The following DNAJC11 variants were observed in gnomAD, a reference collection of about 807,000 sequenced individuals.
DNAJC11 encodes the protein DnaJ heat shock protein family (Hsp40) member C11, also known as dnaJ homolog subfamily C member 11.
A neutral mutation model predicts 78.6 loss-of-function variants in DNAJC11; 15 were observed. The ratio of observed to expected loss-of-function variants is 0.19; its 90% CI spans 0.13 to 0.29. The LOEUF (loss-of-function observed/expected upper bound fraction) is 0.29. Ranked by LOEUF, DNAJC11 falls within the 10% of genes least tolerant of loss-of-function variation. The pLI, the probability that DNAJC11 is intolerant of heterozygous loss-of-function variation, is 1.00. For synonymous variants in DNAJC11, 292 were observed against 272.1 expected (o/e 1.07, Z -0.72); for missense variants, 547 against 709.6 (o/e 0.77, Z 2.60).
chr1:6,697,490 T>C (rs1045204429), intron 1 of DNAJC11, among the ~76,000 whole-genome samples: 2 of 152,164 alleles, frequency 1.3e-5, no homozygotes, highest in Non-Finnish European at 2.9e-5. Flanking sequence ...CCCAATAGGG[T>C]TCATGCTCCT....
At chr1:6,660,476 T>C (rs1300090868) in intron 4 of DNAJC11, among the ~76,000 whole-genome samples, 1 of 150,400 alleles carries the variant, frequency 6.6e-6, no homozygotes, top group Non-Finnish European at 1.5e-5. Flanking sequence ...ATTTATATAT[T>C]GCATTTACTG....
At chr1:6,697,191 C>T (rs1012394217) in intron 1 of DNAJC11, among the ~76,000 whole-genome samples, 7 of 152,110 alleles carry the variant, frequency 4.6e-5, no homozygotes, top group African/African-American at 1.4e-4. Context: ...GAGGCAGGCA[C>T]GACAGATGAT....
At chr1:6,699,432 G>A (rs1431744720) in intron 1 of DNAJC11, among the ~76,000 whole-genome samples, 1 of 152,152 alleles carries the variant, frequency 6.6e-6, no homozygotes, top group African/African-American at 2.4e-5. Context: ...TATTACTCTA[G>A]ACCTGCTTGA....
intron 4 of DNAJC11, among the ~76,000 whole-genome samples, chr1:6,659,691 G>A (rs865973795): frequency 1.2e-4 from 18 of 152,090 alleles, no homozygotes; most frequent in South Asian, 2.1e-4. Flanking sequence ...AATCCAGGAG[G>A]TGGAGGTTAC....
At position 6,662,263 on chromosome 1, in the gene DNAJC11, G is replaced by A. The variant is rs189618706; in HGVS notation, c.378+5446C>T. The stretch of plus-strand genomic sequence containing the variant: ...GGCTGGAGTGCAGTGGCGCGATCTC[G>A]GCTCACTGCAACCCCCGCCTCCCAG... On this transcript the variant is annotated intron_variant, in intron 4 of 15. Transcript: ENST00000377577. 8.6e-5 allele frequency among the ~76,000 whole-genome samples: 13 copies of A among 151,620 alleles called. No individual in the cohort carries two copies. The East Asian group carries it at 1.9e-3, about 23-fold the overall frequency.
chr1:6,692,359 C>T (rs1642759684), intron 1 of DNAJC11, among the ~76,000 whole-genome samples: 1 of 151,778 alleles, frequency 6.6e-6, no homozygotes, highest in African/African-American at 2.4e-5. Flanking sequence ...TCCCGGGCAC[C>T]CTCTTGGGCC....
At chr1:6,668,066 ATTCT>A (rs1421283916) in intron 3 of DNAJC11, 2 of 412,778 alleles carry the variant, frequency 4.8e-6, no homozygotes, top group Non-Finnish European at 8.6e-6. Context: ...TGACTTAAAC[ATTCT>A]TTATTTTAGC....
Position 6,641,665 on chromosome 1 carries a change from C to T in DNAJC11, c.1098-1608G>A, listed in dbSNP as rs143714608. On this transcript the variant is annotated intron_variant, in intron 10 of 15. Coordinates refer to ENST00000377577, the MANE Select transcript of DNAJC11 (RefSeq NM_018198.4). Reference sequence around the variant, plus strand: ...TCCTGTCTTGGCCTCCCAAAGTGTGCGCGCCACTGTACTGAGCCTTCAAAT... The same window carrying T: ...TCCTGTCTTGGCCTCCCAAAGTGTGTGCGCCACTGTACTGAGCCTTCAAAT... Among the ~76,000 whole-genome samples the T allele has an allele frequency of 2.8e-3, 429 of 151,850 alleles. 3 individuals are homozygous for T. Among genetic ancestry groups the T allele is most frequent in the African/African-American group, 9.9e-3 (409 of 41,396 alleles).
At chr1:6,698,539 C>G (rs1410045189) in intron 1 of DNAJC11, among the ~76,000 whole-genome samples, 1 of 151,624 alleles carries the variant, frequency 6.6e-6, no homozygotes, top group Non-Finnish European at 1.5e-5. Flanking sequence ...CAGAAAGTGA[C>G]TTCTGCAAGG....
At chr1:6,687,357 T>C (rs1642671611) in intron 1 of DNAJC11, among the ~76,000 whole-genome samples, 1 of 146,240 alleles carries the variant, frequency 6.8e-6, no homozygotes, top group Admixed American at 6.7e-5. Context: ...ACAGTCCCTT[T>C]TTTTTTTTTT....
Position 6,653,327 on chromosome 1 carries a change from A to G in DNAJC11, c.508-376T>C, listed in dbSNP as rs535939572. The stretch of plus-strand genomic sequence containing the variant: ...CTTCCCATGGCTGTATTCTGTATCA[A>G]CTGACTCAGGGAGCTCCAAGAGGGG... On this transcript the variant is annotated intron_variant, in intron 5 of 15. Transcript: ENST00000377577. The surrounding 1 kb of genome is among the most constrained non-coding windows in gnomAD (Gnocchi z 4.5). Among the ~76,000 whole-genome samples, 1 of 152,274 alleles carries G rather than the reference A, an allele frequency of 6.6e-6. No homozygotes were observed. The highest frequency in any genetic ancestry group is 1.9e-4 in the East Asian group (1 of 5,186).
chr1:6,687,450 G>T (rs936180523), intron 1 of DNAJC11, among the ~76,000 whole-genome samples: 6 of 147,206 alleles, frequency 4.1e-5, no homozygotes, highest in African/African-American at 1.5e-4. Context: ...TCCGCCTCCC[G>T]GGTTCATGCC....
rs967305474 is a variant in DNAJC11 at position 6,634,963 on chromosome 1, G to A, written c.*712C>T. The stretch of plus-strand genomic sequence containing the variant: ...AGCTCAAGCCCGCTGGTGGCAGGGC[G>A]TTTTCCCACCGGGATACGGGAAGCC... On this transcript the variant is annotated 3_prime_UTR_variant, in exon 16 of 16. Coordinates refer to ENST00000377577, the MANE Select transcript of DNAJC11 (RefSeq NM_018198.4). 2.3e-5 allele frequency: 22 copies of A among 971,294 alleles called. No individual in the cohort carries two copies. The highest frequency in any genetic ancestry group is 8.5e-5 in the African/African-American group (5 of 58,574). 60.2% of individuals were successfully genotyped at this position (971,294 alleles called of 1,614,324 possible).
chr1:6,656,286 T>A (rs1349088153), intron 4 of DNAJC11, among the ~76,000 whole-genome samples: 3 of 152,076 alleles, frequency 2.0e-5, no homozygotes, highest in African/African-American at 7.2e-5. Context: ...TGTGTAGGAA[T>A]CTTGGTGGAG....
chr1:6,695,627 TAAAAAAAAA>T (rs70984004), intron 1 of DNAJC11, among the ~76,000 whole-genome samples: 1 of 83,004 alleles, frequency 1.2e-5, no homozygotes, highest in Non-Finnish European at 2.3e-5. Flanking sequence ...CTATCTCTAC[TAAAAAAAAA>T]AAAAAAAAAA....
At chr1:6,672,492 C>T (rs564829062) in intron 3 of DNAJC11, among the ~76,000 whole-genome samples, 15 of 152,180 alleles carry the variant, frequency 9.9e-5, no homozygotes, top group African/African-American at 2.4e-4. Flanking sequence ...GAATTACGAA[C>T]GCAAATAATC....
chr1:6,640,272 C>G (rs1024069861), intron 10 of DNAJC11, among the ~76,000 whole-genome samples: 1 of 152,112 alleles, frequency 6.6e-6, no homozygotes, highest in African/African-American at 2.4e-5. Flanking sequence ...GAAGAAAGAT[C>G]CCAGTGTCTG....
chr1:6,641,633 G>A (rs1175497979), intron 10 of DNAJC11, among the ~76,000 whole-genome samples: 1 of 151,670 alleles, frequency 6.6e-6, no homozygotes, highest in African/African-American at 2.4e-5. Context: ...CTGGGCTCAA[G>A]TGATCTTCCT....
intron 1 of DNAJC11, among the ~76,000 whole-genome samples, chr1:6,690,943 G>A (rs1376449848): frequency 6.6e-6 from 1 of 152,152 alleles, no homozygotes; most frequent in East Asian, 1.9e-4. Context: ...GCCATTTTAG[G>A]TTTCACTTTG....
Sources: allele counts gnomAD v4.1 joint callset (sites outside exome capture counted in the v4.1 genomes callset), GRCh38; gene constraint gnomAD v4.1.1; non-coding constraint Gnocchi (gnomAD v3.1); transcripts MANE v1.5; gene names NCBI Gene and HGNC (gene_info 2026-07-23, HGNC 2026-07-21).